The following OXNAD1 variants were observed in gnomAD, a reference collection of about 807,000 sequenced individuals.
The protein encoded by OXNAD1 is oxidoreductase NAD-binding domain-containing protein 1.
A neutral mutation model predicts 32.9 loss-of-function variants in OXNAD1; 34 were observed. The observed-to-expected ratio is 1.03, with a 90% CI of 0.79 to 1.38. The LOEUF (loss-of-function observed/expected upper bound fraction) is 1.38, where lower values mean the gene tolerates loss of function less well. Ranked by LOEUF, OXNAD1 falls within the 40% of genes most tolerant of loss-of-function variation. The probability of loss-of-function intolerance (pLI) is 0.00; values close to 1 mark genes in which losing one functional copy is unlikely to be tolerated. For synonymous variants in OXNAD1, 134 were observed against 135.2 expected, an observed-to-expected ratio of 0.99 and a Z score of 0.06; for missense variants, 407 against 379.4, an observed-to-expected ratio of 1.07 and a Z score of -0.60.
rs756272080 is a variant in OXNAD1, at chr3:16,288,751, C to G, written c.290+2303C>G. Among the ~76,000 whole-genome samples, 1 of 152,244 alleles carries G rather than the reference C, an allele frequency of 6.6e-6. No individual in the cohort carries two copies. Among genetic ancestry groups the G allele is most frequent in the Non-Finnish European group, 1.5e-5 (1 of 68,040 alleles). Reference sequence around the variant, plus strand: ...GTTCATCTTACTAGTAGGCCTACCACTTGCTAGCTCCTTGGTGAGGCCTGC... The same window carrying G: ...GTTCATCTTACTAGTAGGCCTACCAGTTGCTAGCTCCTTGGTGAGGCCTGC... On this transcript the variant is annotated intron_variant, in intron 5 of 8. Transcript: ENST00000285083. This position sits in a 1 kb window ranked among gnomAD's most constrained non-coding sequence, Gnocchi z 5.1.
At chr3:16,291,808 A>G (rs115532971) in intron 5 of OXNAD1, among the ~76,000 whole-genome samples, 1 of 152,354 alleles carries the variant, frequency 6.6e-6, no homozygotes, top group Non-Finnish European at 1.5e-5. Flanking sequence ...TTCAGGCACT[A>G]TTAAATTGTT....
intron 4 of OXNAD1, among the ~76,000 whole-genome samples, chr3:16,276,975 A>C (rs1020738583): frequency 2.0e-5 from 3 of 150,416 alleles, no homozygotes; most frequent in Non-Finnish European, 4.4e-5. Flanking sequence ...ACAGGCTAAA[A>C]GCGCAATGGT....
In OXNAD1 at chr3:16,304,718, C is replaced by T. The variant is rs2067423238; in HGVS notation, c.*1156C>T. 2 of 152,198 alleles carry T rather than the reference C, an allele frequency of 1.3e-5. No homozygotes were observed. The highest frequency in any genetic ancestry group is 4.1e-4 in the South Asian group (2 of 4,828). 9.4% of individuals were successfully genotyped at this position (152,198 alleles called of 1,614,324 possible). A position where few individuals can be genotyped will look rare whatever the true frequency, so the allele number is the denominator to read the frequency against. On this transcript the variant is annotated 3_prime_UTR_variant, in exon 9 of 9. Transcript: ENST00000285083. This position sits in a 1 kb window ranked among gnomAD's most constrained non-coding sequence, Gnocchi z 4.6. ...GAGATCACAGGAGGGTGAAGGGAGC[C>T]TGGGAAGAAGGACAGATAAGTGCTG...
At chr3:16,324,762 G>A (rs1028059371) in intron 9 of OXNAD1, among the ~76,000 whole-genome samples, 1 of 150,688 alleles carries the variant, frequency 6.6e-6, no homozygotes, top group Non-Finnish European at 1.5e-5. Flanking sequence ...CTTAGCTGTT[G>A]TGAATAATGC....
intron 9 of OXNAD1, among the ~76,000 whole-genome samples, chr3:16,324,163 C>A (rs1044938754): frequency 1.3e-5 from 2 of 152,022 alleles, no homozygotes; most frequent in African/African-American, 4.8e-5. Context: ...TTTTAATTTA[C>A]AAATAATAAT....
At chr3:16,300,974 A>G (rs572708294) in intron 6 of OXNAD1, among the ~76,000 whole-genome samples, 35 of 152,218 alleles carry the variant, frequency 2.3e-4, no homozygotes, top group South Asian at 1.7e-3. Context: ...TGATGGTATT[A>G]CGGGCATAAG....
At chr3:16,267,555 T>A (rs1439494157) in intron 1 of OXNAD1, among the ~76,000 whole-genome samples, 2 of 152,174 alleles carry the variant, frequency 1.3e-5, no homozygotes, top group Non-Finnish European at 2.9e-5. Context: ...TCTGCCAGAG[T>A]TGTCTGCCTT....
rs1463412288 is a variant in OXNAD1, at chr3:16,316,773, G to GT, written c.*30+13182dup. 21 of 1,604,160 alleles carry GT rather than the reference G, an allele frequency of 1.3e-5. No homozygotes were observed. Among genetic ancestry groups the GT allele is most frequent in the African/African-American group, 2.7e-5 (2 of 74,656 alleles). ...AAACCAGCCCCCAAACCAGCTGTTGGTAAGATGCCTTGGGTTTGGCAACTC... is the reference window on the plus strand; with the variant it reads ...AAACCAGCCCCCAAACCAGCTGTTGGTTAAGATGCCTTGGGTTTGGCAACTC... On this transcript the variant is annotated intron_variant, in intron 9 of 9. Transcript: ENST00000435829. The surrounding 1 kb of genome is among the most constrained non-coding windows in gnomAD (Gnocchi z 4.5).
downstream of OXNAD1, among the ~76,000 whole-genome samples, chr3:16,341,542 A>G (rs1301077062): frequency 2.0e-5 from 3 of 152,220 alleles, no homozygotes; most frequent in Non-Finnish European, 4.4e-5. The surrounding 1 kb of genome is among the most constrained non-coding windows in gnomAD (Gnocchi z 4.7). Flanking sequence ...CCAACTGGAA[A>G]AGGCTACATA....
At position 16,298,993 on chromosome 3, in the gene OXNAD1, C is replaced by A. The variant is rs891074878; in HGVS notation, c.433-2633C>A. On this transcript the variant is annotated intron_variant, in intron 6 of 8. Coordinates refer to ENST00000285083, the MANE Select transcript of OXNAD1 (RefSeq NM_138381.5). This position sits in a 1 kb window ranked among gnomAD's most constrained non-coding sequence, Gnocchi z 5.1. ...GGATGCTACCAAATCAGAATACAGA[C>A]CTACCGAAGATTATTTTGTCGTCAA... Among the ~76,000 whole-genome samples, 2 of 152,132 alleles carry A rather than the reference C, an allele frequency of 1.3e-5. No individual in the cohort carries two copies. The highest frequency in any genetic ancestry group is 4.8e-5 in the African/African-American group (2 of 41,418).
rs563992811 is a variant in OXNAD1, at chr3:16,314,793, T to C, written c.*30+11201T>C. On this transcript the variant is annotated intron_variant, in intron 9 of 9. Coordinates refer to the OXNAD1 transcript ENST00000435829. This position sits in a 1 kb window ranked among gnomAD's most constrained non-coding sequence, Gnocchi z 4.4. ...CAAAGCTGAGCAATGTAAGGCCCTC[T>C]AGCCTGGAACCGTTTGCTTTTCAAA... The C allele has an allele frequency of 1.3e-5, 2 of 152,368 alleles. No homozygotes were observed. Among genetic ancestry groups the C allele is most frequent in the East Asian group, 3.9e-4 (2 of 5,186 alleles). 9.4% of individuals were successfully genotyped at this position (152,368 alleles called of 1,614,324 possible).
In OXNAD1 at chr3:16,271,736, G is replaced by C; in HGVS notation, c.183+14G>C. The C allele has an allele frequency of 6.2e-7, 1 of 1,601,246 alleles. No homozygotes were observed. Among genetic ancestry groups the C allele is most frequent in the African/African-American group, 1.4e-5 (1 of 74,008 alleles). On this transcript the variant is annotated intron_variant, in intron 4 of 8. Transcript: ENST00000285083. The surrounding 1 kb of genome is among the most constrained non-coding windows in gnomAD (Gnocchi z 4.6). The stretch of plus-strand genomic sequence containing the variant: ...CTTCGACGGGAGGTTTGTATCTTTG[G>C]GGTATGACAGGTTTTTCCAGCTAGA...
At chr3:16,319,484 C>A (rs1355976621) in intron 9 of OXNAD1, among the ~76,000 whole-genome samples, 1 of 152,184 alleles carries the variant, frequency 6.6e-6, no homozygotes, top group African/African-American at 2.4e-5. Context: ...ACCTCCAGGG[C>A]CCCATTCATA....
chr3:16,316,673 C>T lies in OXNAD1; in HGVS notation c.*30+13081C>T, dbSNP rs1433361585. On this transcript the variant is annotated intron_variant, in intron 9 of 9. Transcript: ENST00000435829. This position sits in a 1 kb window ranked among gnomAD's most constrained non-coding sequence, Gnocchi z 4.5. ...AAAACCAACACTGTCAGGAACCTGG[C>T]CCTGGGAGGGCTCAGGTGAGCTCAC... is the stretch of plus-strand genomic sequence containing the variant. 1.1e-5 allele frequency: 9 copies of T among 806,322 alleles called. No individual in the cohort carries two copies. Among genetic ancestry groups the T allele is most frequent in the Admixed American group, 2.3e-5 (1 of 43,320 alleles). 49.9% of individuals were successfully genotyped at this position (806,322 alleles called of 1,614,324 possible). A position where few individuals can be genotyped will look rare whatever the true frequency, so the allele number is the denominator to read the frequency against.
chr3:16,307,821 C>G (rs2067672875), downstream of OXNAD1, among the ~76,000 whole-genome samples: 1 of 151,990 alleles, frequency 6.6e-6, no homozygotes, highest in African/African-American at 2.4e-5. Context: ...CCAGCTTTCC[C>G]AAATGTTTAA....
In OXNAD1 at chr3:16,322,797, A is replaced by G. The variant is rs758358964; in HGVS notation, c.*31-14315A>G. 6.6e-6 allele frequency among the ~76,000 whole-genome samples: 1 copy of G among 151,970 alleles called. No homozygotes were observed. The stretch of plus-strand genomic sequence containing the variant: ...GGTAGTTCAGAGTCCGGAGAGGGGG[A>G]AAAGGGCCCTGGGGATCTCTTGAGG... On this transcript the variant is annotated intron_variant, in intron 9 of 9. Transcript: ENST00000435829. The surrounding 1 kb of genome is among the most constrained non-coding windows in gnomAD (Gnocchi z 6.2).
In OXNAD1 at chr3:16,301,526, A is replaced by T; in HGVS notation, c.433-100A>T. The T allele has an allele frequency of 7.3e-7, 1 of 1,363,022 alleles. No homozygotes were observed. Among genetic ancestry groups the T allele is most frequent in the Non-Finnish European group, 1.0e-6 (1 of 994,880 alleles). 84.4% of individuals were successfully genotyped at this position (1,363,022 alleles called of 1,614,324 possible). A position where few individuals can be genotyped will look rare whatever the true frequency, so the allele number is the denominator to read the frequency against. On this transcript the variant is annotated intron_variant, in intron 6 of 8. Transcript: ENST00000285083. The surrounding 1 kb of genome is among the most constrained non-coding windows in gnomAD (Gnocchi z 4.1). Reference sequence around the variant, plus strand: ...GCAAGCTATAAAAATAGTCTTAAATACTGATAATACAGGAGATAGACCCAG... The same window carrying T: ...GCAAGCTATAAAAATAGTCTTAAATTCTGATAATACAGGAGATAGACCCAG...
chr3:16,347,618 G>T (rs1271310283), intron 9 of OXNAD1: 3 of 152,106 alleles, frequency 2.0e-5, no homozygotes, highest in African/African-American at 7.2e-5. Context: ...ACCCACCTCT[G>T]TGTGCACACT....
chr3:16,287,121 T>G lies in OXNAD1; in HGVS notation c.290+673T>G, dbSNP rs970150912. On this transcript the variant is annotated intron_variant, in intron 5 of 8. Transcript: ENST00000285083. This position sits in a 1 kb window ranked among gnomAD's most constrained non-coding sequence, Gnocchi z 4.8. ...CCTCCGAATGGGGCCTCCCTGAGCT[T>G]CAATTCAAGTTCAATTGTAAGGAAA... Among the ~76,000 whole-genome samples the G allele has an allele frequency of 6.6e-6, 1 of 152,208 alleles. No individual in the cohort carries two copies. The highest frequency in any genetic ancestry group is 2.1e-4 in the South Asian group (1 of 4,832).
Sources: gnomAD v4.1 joint callset for allele counts (sites outside exome capture counted in the v4.1 genomes callset) on GRCh38, gnomAD v4.1.1 for gene constraint, Gnocchi (gnomAD v3.1) non-coding constraint, MANE v1.5 for transcripts, NCBI Gene and HGNC (gene_info 2026-07-23, HGNC 2026-07-21) for gene names.